Variants in FTO observed in about 807,000 individuals in gnomAD.
FTO encodes alpha-ketoglutarate-dependent dioxygenase FTO.
A neutral mutation model predicts 63.9 loss-of-function variants in FTO; 47 were observed. That is an observed-to-expected ratio of 0.74 (90% CI 0.58 to 0.94). The LOEUF (loss-of-function observed/expected upper bound fraction) is 0.94, where lower values mean the gene tolerates loss of function less well. Among genes scored for constraint, FTO ranks in the 40% least tolerant of loss-of-function variants. The probability of loss-of-function intolerance (pLI) is 0.00; values close to 1 mark genes in which losing one functional copy is unlikely to be tolerated. For missense variants in FTO, 562 were observed against 618.1 expected (o/e 0.91, Z 0.96); for synonymous variants, 207 against 224.4 (o/e 0.92, Z 0.69).
At chr16:54,074,815 G>C (rs1434687021) in intron 8 of FTO, among the ~76,000 whole-genome samples, 1 of 151,932 alleles carries the variant, frequency 6.6e-6, no homozygotes, top group Admixed American at 6.6e-5. Flanking sequence ...CTTCCAAAAA[G>C]TGCAACAAGT....
At chr16:54,021,479 ATTGTTTGT>A (rs10527841) in intron 8 of FTO, among the ~76,000 whole-genome samples, 46,853 of 151,106 alleles carry the variant, frequency 0.31, 7,739 homozygotes, top group South Asian at 0.44. Context: ...GGGTGGTTTT[ATTGTTTGT>A]TTGTTTGTTT....
At chr16:54,108,845 C>T (rs189604689) in intron 8 of FTO, among the ~76,000 whole-genome samples, 9 of 152,218 alleles carry the variant, frequency 5.9e-5, no homozygotes, top group Admixed American at 5.2e-4. Flanking sequence ...GCAGCAATTC[C>T]GGCAATCAAG....
At chr16:53,895,150 G>A (rs2081246945) in intron 7 of FTO, among the ~76,000 whole-genome samples, 1 of 151,944 alleles carries the variant, frequency 6.6e-6, no homozygotes, top group African/African-American at 2.4e-5. Context: ...TCTATTAAAA[G>A]TAAAACATCT....
intron 1 of FTO, among the ~76,000 whole-genome samples, chr16:53,804,803 A>G (rs2078318824): frequency 6.6e-6 from 1 of 151,858 alleles, no homozygotes; most frequent in South Asian, 2.1e-4. Context: ...TTTGGTAGAG[A>G]CGGGGTTCCC....
chr16:53,796,049 C>CT (rs745383491), intron 1 of FTO, among the ~76,000 whole-genome samples: 12,686 of 138,368 alleles, frequency 0.092, 918 homozygotes, highest in African/African-American at 0.19. Context: ...TTCTTTCTTT[C>CT]TTTTTTTTTT....
chr16:53,850,238 T>C lies in FTO; in HGVS notation c.895+5940T>C, dbSNP rs1161536228. ...TCATGTTTATTTTCACTTTGAAAAG[T>C]AGAAACATGACAGTATAGTTTCCAC... is the stretch of plus-strand genomic sequence containing the variant. On this transcript the variant is annotated intron_variant, in intron 4 of 8. Transcript: ENST00000471389. Among the ~76,000 whole-genome samples, 2 of 152,182 alleles carry C rather than the reference T, an allele frequency of 1.3e-5. 1 individual carries two copies. The highest frequency in any genetic ancestry group is 2.9e-5 in the Non-Finnish European group (2 of 68,026).
intron 8 of FTO, among the ~76,000 whole-genome samples, chr16:54,036,414 T>A (rs770987968): frequency 6.6e-6 from 1 of 152,180 alleles, no homozygotes; most frequent in African/African-American, 2.4e-5. Context: ...TCCGGGGCCC[T>A]AACAGTGAGC....
intron 4 of FTO, among the ~76,000 whole-genome samples, chr16:53,867,252 T>A (rs892268317): frequency 6.6e-6 from 1 of 152,150 alleles, no homozygotes; most frequent in Non-Finnish European, 1.5e-5. Flanking sequence ...TTTAAAAAAA[T>A]GTTTCAGACA....
At chr16:54,099,906 G>T (rs1193353238) in intron 8 of FTO, among the ~76,000 whole-genome samples, 1 of 152,152 alleles carries the variant, frequency 6.6e-6, no homozygotes, top group Non-Finnish European at 1.5e-5. Flanking sequence ...CTCTGAAATG[G>T]AGCTGAATTG....
At chr16:53,857,440 GTC>G (rs147635985) in intron 4 of FTO, among the ~76,000 whole-genome samples, 159 of 141,504 alleles carry the variant, frequency 1.1e-3, no homozygotes, top group South Asian at 2.7e-3. Context: ...TGAGAACCTG[GTC>G]TCTCTCTCTC....
chr16:53,760,059 G>C (rs1309321328), intron 1 of FTO, among the ~76,000 whole-genome samples: 3 of 152,128 alleles, frequency 2.0e-5, no homozygotes, highest in South Asian at 2.1e-4. Context: ...CCTGTTTTCA[G>C]CTTCATGGTT....
chr16:53,736,356 A>C (rs899856186), intron 1 of FTO, among the ~76,000 whole-genome samples: 7,610 of 134,372 alleles, frequency 0.057, 622 homozygotes, highest in African/African-American at 0.21. Context: ...AAGTATAATT[A>C]AAAAAAAAAA....
chr16:53,744,375 A>G lies in FTO; in HGVS notation c.45+40146A>G, dbSNP rs143561935. 6.2e-3 allele frequency among the ~76,000 whole-genome samples: 948 copies of G among 152,336 alleles called. 44 individuals carry two copies. The highest frequency in any genetic ancestry group is 0.059 in the Admixed American group (899 of 15,292). The stretch of plus-strand genomic sequence containing the variant: ...TCCAAATTTCTCTGGTTGCCTTGAA[A>G]AAATAAATCGGCTCATGCTAGGTTT... On this transcript the variant is annotated intron_variant, in intron 1 of 8. Coordinates refer to ENST00000471389, the MANE Select transcript of FTO (RefSeq NM_001080432.3).
intron 1 of FTO, among the ~76,000 whole-genome samples, chr16:53,788,324 C>T (rs570321175): frequency 6.6e-6 from 1 of 152,022 alleles, no homozygotes; most frequent in East Asian, 1.9e-4. Flanking sequence ...CTTATTTGGC[C>T]AGATGGGGTG....
intron 7 of FTO, among the ~76,000 whole-genome samples, chr16:53,908,474 C>T (rs1029572288): frequency 1.1e-4 from 17 of 152,136 alleles, no homozygotes; most frequent in African/African-American, 4.1e-4. Flanking sequence ...TCCTGGGGGT[C>T]GGCACATCGT....
At position 54,114,355 on chromosome 16, in the gene FTO, A is replaced by G. The variant is rs1395586997; in HGVS notation, c.*2440A>G. 1.3e-5 allele frequency: 2 copies of G among 152,154 alleles called. No individual in the cohort carries two copies. Among genetic ancestry groups the G allele is most frequent in the Non-Finnish European group, 2.9e-5 (2 of 68,048 alleles). The allele number at this position is 152,154 out of a possible 1,614,324, so 9.4% of individuals were successfully genotyped here. ...GTCGAAATATTTTGTGCTTACCCCAATATATGTGTGTGACTATTGAACTCT... is the reference window on the plus strand; with the variant it reads ...GTCGAAATATTTTGTGCTTACCCCAGTATATGTGTGTGACTATTGAACTCT... On this transcript the variant is annotated 3_prime_UTR_variant, in exon 9 of 9. Coordinates refer to ENST00000471389, the MANE Select transcript of FTO (RefSeq NM_001080432.3).
intron 4 of FTO, among the ~76,000 whole-genome samples, chr16:53,856,319 G>C (rs372374804): frequency 6.6e-6 from 1 of 150,758 alleles, no homozygotes; most frequent in Non-Finnish European, 1.5e-5. Context: ...ATGCTGGAAG[G>C]TTCCTTAGAC....
chr16:53,918,168 G>A (rs1381976114), intron 7 of FTO, among the ~76,000 whole-genome samples: 2 of 152,150 alleles, frequency 1.3e-5, no homozygotes, highest in Non-Finnish European at 2.9e-5. Context: ...TAATAGCACA[G>A]TCATGTGTTG....
At chr16:54,036,307 C>G (rs1292902478) in intron 8 of FTO, among the ~76,000 whole-genome samples, 2 of 152,264 alleles carry the variant, frequency 1.3e-5, no homozygotes, top group Non-Finnish European at 2.9e-5. Flanking sequence ...TGTTGCCTAT[C>G]TCTGTTAACA....
Sources: allele counts gnomAD v4.1 joint callset (sites outside exome capture counted in the v4.1 genomes callset), GRCh38; gene constraint gnomAD v4.1.1; transcripts MANE v1.5; gene names NCBI Gene and HGNC (gene_info 2026-07-23, HGNC 2026-07-21).